PDCL3: variants seen among roughly 807,000 people sequenced by gnomAD.
PDCL3 encodes the protein phosducin like 3.
Under a neutral mutation model 26.5 loss-of-function variants are expected in PDCL3, and 22 were observed. That is an observed-to-expected ratio of 0.83 (90% CI 0.59 to 1.19). The LOEUF is 1.19. PDCL3 is among the 50% of genes most tolerant of loss of function. PDCL3 has a pLI of 0.00. For missense variants in PDCL3, 246 were observed against 294.1 expected (o/e 0.84, Z 1.20); for synonymous variants, 81 against 104.9 (o/e 0.77, Z 1.39).
At chr2:100,565,020 C>G (rs1201787760) in intron 1 of PDCL3, among the ~76,000 whole-genome samples, 1 of 152,226 alleles carries the variant, frequency 6.6e-6, no homozygotes, top group Non-Finnish European at 1.5e-5. Flanking sequence ...CAAGCCTCAT[C>G]TGCAGCCTGA....
At position 100,575,416 on chromosome 2, in the gene PDCL3, T is replaced by C. The variant is rs371868238; in HGVS notation, c.578-938T>C. 4.6e-5 allele frequency among the ~76,000 whole-genome samples: 7 copies of C among 152,028 alleles called. No homozygotes were observed. The East Asian group carries it at 5.8e-4, about 13-fold the overall frequency. On this transcript the variant is annotated intron_variant, in intron 5 of 5. Transcript: ENST00000264254. ...TCCCAAAGTGCTGGGATTACAGGCA[T>C]GTGCCACCGCGCCCGGCCTGGTTTT...
intron 1 of PDCL3, 150 bp downstream of exon 1, chr2:100,563,223 G>A (rs975719358): frequency 4.1e-6 from 4 of 982,738 alleles, no homozygotes; most frequent in African/African-American, 1.7e-5. Context: ...CGCAGGCGCA[G>A]TGCGGGAGGC....
At position 100,569,036 on chromosome 2, in the gene PDCL3, G is replaced by A; in HGVS notation, c.224+15G>A. 6.3e-7 allele frequency: 1 copy of A among 1,588,726 alleles called. No individual in the cohort carries two copies. Among genetic ancestry groups the A allele is most frequent in the Non-Finnish European group, 8.5e-7 (1 of 1,171,136 alleles). ...GAAATGTACAGGTAAGCGCCACCCA[G>A]AGGGGCTGTTTGTTTTTTTGTTGTT... is the stretch of plus-strand genomic sequence containing the variant. On this transcript the variant is annotated intron_variant, in intron 3 of 5. Transcript: ENST00000264254.
At position 100,563,042 on chromosome 2, in the gene PDCL3, G is replaced by A. The variant is rs1425149875; in HGVS notation, c.-26G>A. 1.9e-6 allele frequency: 3 copies of A among 1,599,802 alleles called. No homozygotes were observed. The highest frequency in any genetic ancestry group is 3.5e-5 in the Admixed American group (2 of 57,798). Reference sequence around the variant, plus strand: ...GGGCGGGGGCGCTGCGGCACAGCTGGTTTGAGCAACTGAACTGGAAACAAG... The same window carrying A: ...GGGCGGGGGCGCTGCGGCACAGCTGATTTGAGCAACTGAACTGGAAACAAG... On this transcript the variant is annotated 5_prime_UTR_variant, in exon 1 of 6. Coordinates refer to ENST00000264254, the MANE Select transcript of PDCL3 (RefSeq NM_024065.5).
chr2:100,568,518 G>A (rs1675101075), intron 2 of PDCL3, among the ~76,000 whole-genome samples: 1 of 152,194 alleles, frequency 6.6e-6, no homozygotes, highest in Non-Finnish European at 1.5e-5. Flanking sequence ...TGTAATCCCA[G>A]CTACTCAGGA....
chr2:100,566,174 A>G (rs941653662), intron 1 of PDCL3, among the ~76,000 whole-genome samples: 2 of 151,682 alleles, frequency 1.3e-5, no homozygotes, highest in Non-Finnish European at 2.9e-5. Context: ...AAGTGCTGGG[A>G]TTACAGGCGT....
At chr2:100,571,126 A>AAAACAACAACAAAAAAAAAAAAC (rs1675160027) in intron 4 of PDCL3, among the ~76,000 whole-genome samples, 1 of 142,656 alleles carries the variant, frequency 7.0e-6, no homozygotes, top group African/African-American at 2.7e-5. Context: ...AAAAAAAAAA[A>AAAACAACAACAAAAAAAAAAAAC]AAAAAATCAG....
chr2:100,576,394 A>G lies in PDCL3; in HGVS notation c.618A>G (p.Thr206=). Residue 206 remains threonine, a synonymous_variant, in exon 6 of 6, where the codon ACA becomes ACG. Transcript: ENST00000264254. ...WKLSESGAIM[T]DLEENPKKPI... ...TGTCTGAATCTGGAGCAATTATGAC[A>G]GACCTGGAGGAAAACCCTAAGAAGC... The G allele has an allele frequency of 1.2e-6, 2 of 1,614,020 alleles. No homozygotes were observed. Among genetic ancestry groups the G allele is most frequent in the Non-Finnish European group, 1.7e-6 (2 of 1,179,878 alleles).
At chr2:100,563,509 G>A in intron 1 of PDCL3, 1 of 162,636 alleles carries the variant, frequency 6.1e-6, no homozygotes. Context: ...CTGAGAGCCA[G>A]GTGAGGGCTT....
intron 5 of PDCL3, among the ~76,000 whole-genome samples, chr2:100,573,010 AG>A (rs1675209310): frequency 6.6e-6 from 1 of 151,504 alleles, no homozygotes; most frequent in South Asian, 2.1e-4. Flanking sequence ...TCAGCGTCTC[AG>A]GTAGCTGGGA....
chr2:100,565,344 G>A (rs1675041529), intron 1 of PDCL3, among the ~76,000 whole-genome samples: 1 of 149,292 alleles, frequency 6.7e-6, no homozygotes. Context: ...GCTCGATCTC[G>A]GCTCACTGCA....
chr2:100,566,450 C>A, intron 1 of PDCL3, 53 bp from the exon 2 acceptor site: 1 of 1,583,654 alleles, frequency 6.3e-7, no homozygotes, highest in East Asian at 2.3e-5. Context: ...CCCAACGTGG[C>A]ACCCTACATA....
At chr2:100,571,411 T>C (rs1398352929) in intron 4 of PDCL3, among the ~76,000 whole-genome samples, 179 bp from the exon 5 acceptor site, 2 of 152,144 alleles carry the variant, frequency 1.3e-5, no homozygotes, top group South Asian at 2.1e-4. Context: ...CTTCACTCCA[T>C]TTAGCCTGGG....
Position 100,568,928 on chromosome 2 carries a change from C to G in PDCL3, c.134-3C>G, listed in dbSNP as rs1675108368. On this transcript the variant is annotated splice_polypyrimidine_tract_variant and splice_region_variant and intron_variant, in intron 2 of 5. Transcript: ENST00000264254. ...TGCTTTTTGCCAATGTAACCAAATT[C>G]AGTGAAAACATATGAAGATATGACT... The G allele has an allele frequency of 6.2e-7, 1 of 1,609,696 alleles. No homozygotes were observed. Among genetic ancestry groups the G allele is most frequent in the Admixed American group, 1.7e-5 (1 of 58,336 alleles).
At chr2:100,572,420 C>G (rs527725263) in intron 5 of PDCL3, among the ~76,000 whole-genome samples, 1 of 152,076 alleles carries the variant, frequency 6.6e-6, no homozygotes, top group Non-Finnish European at 1.5e-5. Context: ...CCATGTTGGC[C>G]AGGCTGGTCT....
chr2:100,569,091 G>A lies in PDCL3; in HGVS notation c.224+70G>A, dbSNP rs529770604. 1.8e-5 allele frequency: 25 copies of A among 1,383,130 alleles called. No homozygotes were observed. In the African/African-American group the frequency reaches 2.9e-4, roughly 16 times the overall value. 85.7% of individuals were successfully genotyped at this position (1,383,130 alleles called of 1,614,324 possible). On this transcript the variant is annotated intron_variant, in intron 3 of 5. Coordinates refer to ENST00000264254, the MANE Select transcript of PDCL3 (RefSeq NM_024065.5). ...GTTTTGTTTTGGTTTTTTTTTTGGCGTGGCAATAAAATGTGTGGGCTGAGC... is the reference window on the plus strand; with the variant it reads ...GTTTTGTTTTGGTTTTTTTTTTGGCATGGCAATAAAATGTGTGGGCTGAGC...
intron 1 of PDCL3, among the ~76,000 whole-genome samples, chr2:100,566,093 C>T (rs997737151): frequency 2.4e-4 from 37 of 152,102 alleles, no homozygotes; most frequent in African/African-American, 8.2e-4. Context: ...TCAGTAGAGA[C>T]GGGGTTTCAC....
chr2:100,571,114 C>CG (rs1553417816), intron 4 of PDCL3, among the ~76,000 whole-genome samples: 15 of 109,086 alleles, frequency 1.4e-4, no homozygotes, highest in Middle Eastern at 4.7e-3. Flanking sequence ...CCTGTCTTTA[C>CG]AAAAAAAAAA....
At chr2:100,569,433 A>T in intron 3 of PDCL3, 145 bp from the exon 4 acceptor site, 1 of 945,644 alleles carries the variant, frequency 1.1e-6, no homozygotes, top group East Asian at 2.7e-5. Context: ...GCAATTAAAT[A>T]ATATTGTGAA....
Sources: gnomAD v4.1 joint callset for allele counts (sites outside exome capture counted in the v4.1 genomes callset) on GRCh38, gnomAD v4.1.1 for gene constraint, MANE v1.5 for transcripts, NCBI Gene and HGNC (gene_info 2026-07-23, HGNC 2026-07-21) for gene names.